Variants in ABLIM3 observed in about 807,000 individuals in gnomAD.
The protein encoded by ABLIM3 is actin-binding LIM protein 3.
Under a neutral mutation model 109.5 loss-of-function variants are expected in ABLIM3, and 61 were observed. That is an observed-to-expected ratio of 0.56 (90% CI 0.45 to 0.69). The LOEUF (loss-of-function observed/expected upper bound fraction) is 0.69, where lower values mean the gene tolerates loss of function less well. ABLIM3 is among the 30% of genes least tolerant of loss of function. The pLI is 0.00. For synonymous variants in ABLIM3, 300 were observed against 324.8 expected (o/e 0.92, Z 0.82); for missense variants, 796 against 889.5 (o/e 0.89, Z 1.34).
chr5:149,193,279 TTTA>T (rs1270943711), intron 3 of ABLIM3, among the ~76,000 whole-genome samples: 1 of 152,050 alleles, frequency 6.6e-6, no homozygotes, highest in Non-Finnish European at 1.5e-5. Context: ...TCAATAAGAA[TTTA>T]TTAAGGTTAC....
chr5:149,188,000 T>C (rs915914782), intron 3 of ABLIM3, among the ~76,000 whole-genome samples: 3 of 152,222 alleles, frequency 2.0e-5, no homozygotes, highest in African/African-American at 7.2e-5. Flanking sequence ...CGTTCTATAG[T>C]AATAACTTGC....
intron 2 of ABLIM3, among the ~76,000 whole-genome samples, chr5:149,152,586 G>T (rs1753531566): frequency 6.6e-6 from 1 of 152,110 alleles, no homozygotes; most frequent in African/African-American, 2.4e-5. Flanking sequence ...AGAGAACCTA[G>T]TAAAAGAGAG....
intron 2 of ABLIM3, among the ~76,000 whole-genome samples, chr5:149,180,312 T>C (rs1756344592): frequency 6.6e-6 from 1 of 152,234 alleles, no homozygotes; most frequent in Non-Finnish European, 1.5e-5. Context: ...TTTTAACATT[T>C]CAGGGCAGTT....
intron 2 of ABLIM3, among the ~76,000 whole-genome samples, chr5:149,154,164 C>A (rs777042387): frequency 1.3e-4 from 20 of 152,238 alleles, no homozygotes; most frequent in Non-Finnish European, 2.8e-4. Context: ...AAGTCACGCT[C>A]AGCTTGCAGC....
chr5:149,245,826 A>T (rs1037543824), intron 16 of ABLIM3, among the ~76,000 whole-genome samples: 1 of 152,122 alleles, frequency 6.6e-6, no homozygotes, highest in Admixed American at 6.5e-5. Context: ...TGTCTTTACT[A>T]ATTCAATGTC....
intron 3 of ABLIM3, among the ~76,000 whole-genome samples, chr5:149,188,268 C>T (rs1323123969): frequency 6.6e-6 from 1 of 152,010 alleles, no homozygotes; most frequent in Non-Finnish European, 1.5e-5. Flanking sequence ...TAGCAAATCC[C>T]AAGGAATACT....
intron 3 of ABLIM3, among the ~76,000 whole-genome samples, chr5:149,197,642 G>A (rs1222201847): frequency 6.6e-6 from 1 of 152,132 alleles, no homozygotes; most frequent in African/African-American, 2.4e-5. Context: ...TCTCCAGGTT[G>A]GGATTTGGAG....
At chr5:149,256,669 A>G (rs987616127) in intron 23 of ABLIM3, among the ~76,000 whole-genome samples, 16 of 152,264 alleles carry the variant, frequency 1.1e-4, no homozygotes, top group Non-Finnish European at 2.2e-4. Flanking sequence ...GTTTTGAGAA[A>G]CATTCTGAAG....
chr5:149,229,128 C>T (rs17109816), intron 8 of ABLIM3, among the ~76,000 whole-genome samples: 6,447 of 152,224 alleles, frequency 0.042, 473 homozygotes, highest in African/African-American at 0.15. Flanking sequence ...GAACCGGAAA[C>T]GCTCTCTCTA....
chr5:149,182,180 AG>A (rs2127473862), intron 2 of ABLIM3, among the ~76,000 whole-genome samples: 1 of 152,320 alleles, frequency 6.6e-6, no homozygotes, highest in Admixed American at 6.5e-5. Context: ...TTGTGGTTCA[AG>A]GTTGCTGTGA....
At chr5:149,255,235 G>A (rs1754327179) in intron 23 of ABLIM3, among the ~76,000 whole-genome samples, 1 of 152,174 alleles carries the variant, frequency 6.6e-6, no homozygotes, top group South Asian at 2.1e-4. Flanking sequence ...CTCGTTTTAT[G>A]TACAGTCCTG....
At chr5:149,223,500 A>C (rs931066273) in intron 8 of ABLIM3, among the ~76,000 whole-genome samples, 1 of 152,242 alleles carries the variant, frequency 6.6e-6, no homozygotes, top group South Asian at 2.1e-4. Flanking sequence ...TATGTTAGGC[A>C]AAAGAAGATT....
chr5:149,233,275 T>C lies in ABLIM3; in HGVS notation c.863T>C (p.Ile288Thr), dbSNP rs770987109. 33 of 1,614,034 alleles carry C rather than the reference T, an allele frequency of 2.0e-5. No homozygotes were observed. The highest frequency in any genetic ancestry group is 3.3e-5 in the Admixed American group (2 of 59,998). ...TCCATCTCACCCCCTGGATCCAGCA[T>C]TGGGTCACCCAACCGAGTCATCTGC... Reference protein sequence around the residue: ...ETSISPPGSSIGSPNRVICAK... With the variant: ...ETSISPPGSSTGSPNRVICAK... Residue 288 changes from isoleucine to threonine, a missense_variant, in exon 10 of 24, where the codon ATT becomes ACT. Coordinates refer to ENST00000309868, the MANE Select transcript of ABLIM3 (RefSeq NM_014945.5).
chr5:149,149,837 C>A (rs555205982), intron 2 of ABLIM3, among the ~76,000 whole-genome samples: 4 of 152,298 alleles, frequency 2.6e-5, no homozygotes, highest in Admixed American at 1.3e-4. Context: ...GAGAAGCAAG[C>A]ATGACCCAGT....
intron 2 of ABLIM3, among the ~76,000 whole-genome samples, chr5:149,145,389 C>T (rs2127425854): frequency 6.6e-6 from 1 of 152,280 alleles, no homozygotes; most frequent in South Asian, 2.1e-4. Context: ...ACCCAGTACA[C>T]TGTTGATAAA....
At chr5:149,222,688 C>G (rs1443200837) in intron 8 of ABLIM3, among the ~76,000 whole-genome samples, 2 of 121,284 alleles carry the variant, frequency 1.6e-5, no homozygotes, top group African/African-American at 6.6e-5. Context: ...TTTTTTTTAG[C>G]TCAGAGGATA....
rs776185764 is a variant in ABLIM3 at position 149,242,468 on chromosome 5, TC to T, written c.1304-20del. The stretch of plus-strand genomic sequence containing the variant: ...GTCTCTCTCTCTCCCCTCCCCACTG[TC>T]CCTTCCTGGTCTGTCTGGCAGCTGG... On this transcript the variant is annotated intron_variant, in intron 14 of 23. Coordinates refer to ENST00000309868, the MANE Select transcript of ABLIM3 (RefSeq NM_014945.5). 5.0e-6 allele frequency: 8 copies of T among 1,613,202 alleles called. No homozygotes were observed. The African/African-American group carries it at 1.1e-4, about 22-fold the overall frequency.
intron 10 of ABLIM3, 65 bp downstream of exon 10, chr5:149,233,365 C>A: frequency 6.6e-7 from 1 of 1,519,664 alleles, no homozygotes; most frequent in Non-Finnish European, 9.1e-7. Flanking sequence ...TAAAGAGTCA[C>A]TAAGGATAAG....
chr5:149,187,406 C>G (rs74325578), intron 3 of ABLIM3, among the ~76,000 whole-genome samples: 7,611 of 152,108 alleles, frequency 0.05, 579 homozygotes, highest in African/African-American at 0.17. Context: ...TAGCAACAAG[C>G]AAACTAGAAA....
Sources: gnomAD v4.1 joint callset for allele counts (sites outside exome capture counted in the v4.1 genomes callset) on GRCh38, gnomAD v4.1.1 for gene constraint, MANE v1.5 for transcripts, NCBI Gene and HGNC (gene_info 2026-07-23, HGNC 2026-07-21) for gene names.